The following RPGRIP1 variants were observed in gnomAD, a reference collection of about 807,000 sequenced individuals.
RPGRIP1 encodes the protein RPGR interacting protein 1.
In RPGRIP1, 128 loss-of-function variants were observed where a neutral mutation model predicts 157.9. The ratio of observed to expected loss-of-function variants is 0.81; its 90% CI spans 0.70 to 0.94. RPGRIP1 has a LOEUF of 0.94. Ranked by LOEUF, RPGRIP1 falls within the 40% of genes least tolerant of loss-of-function variation. The pLI is 0.00. For missense variants in RPGRIP1, 1,486 were observed against 1,545.8 expected, an observed-to-expected ratio of 0.96 and a Z score of 0.65; for synonymous variants, 554 against 571.6, an observed-to-expected ratio of 0.97 and a Z score of 0.44.
At position 21,324,834 on chromosome 14, in the gene RPGRIP1, A is replaced by G. The variant is rs759235827; in HGVS notation, c.1979A>G (p.Asp660Gly). ...ACTTTCTGCACCTATTCCTTCTATG[A>G]CTTTGAAACCCACTGTACCCCATTA... ...PTTFCTYSFYDFETHCTPLSV... is the reference protein window; with the variant it reads ...PTTFCTYSFYGFETHCTPLSV... Residue 660 changes from aspartate (D) to glycine (G), a missense_variant, in exon 15 of 25, where the codon GAC (aspartate) becomes GGC (glycine). Coordinates refer to ENST00000400017, the MANE Select transcript of RPGRIP1 (RefSeq NM_020366.4). 5 of 1,613,842 alleles carry G rather than the reference A, an allele frequency of 3.1e-6. No individual in the cohort carries two copies. In the South Asian group the frequency reaches 5.5e-5, roughly 18 times the overall value.
Position 21,320,036 on chromosome 14 carries a change from G to T in RPGRIP1, c.1326G>T (p.Lys442Asn), listed in dbSNP as rs375450848. The stretch of plus-strand genomic sequence containing the variant: ...CCCCAGCCCAAAATGAGGATCTGAA[G>T]CTTGAAGTCACCAACATACTTCAGA... ...SREKAQNEDL[K>N]LEVTNILQKH... is the part of the protein sequence containing the mutation. The change falls in exon 12 of 25, where the codon AAG becomes AAT. Residue 442 changes from lysine to asparagine, a missense_variant. Transcript: ENST00000400017. 73 of 1,612,244 alleles carry T rather than the reference G, an allele frequency of 4.5e-5. No individual in the cohort carries two copies. Among genetic ancestry groups the T allele is most frequent in the Non-Finnish European group, 6.2e-5 (73 of 1,179,194 alleles).
At position 21,330,293 on chromosome 14, in the gene RPGRIP1, CA is replaced by C; in HGVS notation, c.3145del (p.Ile1049Ter). The C allele has an allele frequency of 6.3e-7, 1 of 1,581,274 alleles. No individual in the cohort carries two copies. Among genetic ancestry groups the C allele is most frequent in the African/African-American group, 1.4e-5 (1 of 72,488 alleles). The part of the protein sequence containing the change: ...EWKFSETNSF[I>X]GDGFKNQHEE... ...GGAAGTTCTCAGAGACTAACAGCTT[CA>C]TAGGTGATGGCTTTAAAAATCAGCA... is the stretch of plus-strand genomic sequence containing the variant. On this transcript the variant is annotated frameshift_variant, in exon 20 of 25. Transcript: ENST00000400017. LOFTEE classifies it high-confidence loss of function.
chr14:21,300,981 G>C lies in RPGRIP1; in HGVS notation c.234G>C (p.Leu78Phe). 2.5e-6 allele frequency: 4 copies of C among 1,612,956 alleles called. No homozygotes were observed. Among genetic ancestry groups the C allele is most frequent in the Non-Finnish European group, 3.4e-6 (4 of 1,179,426 alleles). ...TTGTCCACAGGCTGAGGACCACCTT[G>C]CTGCGGTTGACCGCTGCTGGCCGGG... is the stretch of plus-strand genomic sequence containing the variant. Reference protein sequence around the residue: ...QDEIKRLRTTLLRLTAAGRDL... With the variant: ...QDEIKRLRTTFLRLTAAGRDL... Residue 78 changes from leucine to phenylalanine, a missense_variant, in exon 4 of 25, where the codon TTG becomes TTC. Coordinates refer to ENST00000400017, the MANE Select transcript of RPGRIP1 (RefSeq NM_020366.4).
At chr14:21,341,637 A>G (rs753879402) in intron 21 of RPGRIP1, among the ~76,000 whole-genome samples, 1 of 151,978 alleles carries the variant, frequency 6.6e-6, no homozygotes, top group Non-Finnish European at 1.5e-5. Flanking sequence ...GAAGGAGGAG[A>G]CTTCTGTTGG....
At chr14:21,333,743 G>A (rs974609516) in intron 20 of RPGRIP1, among the ~76,000 whole-genome samples, 3 of 151,990 alleles carry the variant, frequency 2.0e-5, no homozygotes, top group African/African-American at 7.3e-5. Flanking sequence ...GCATTTTTGT[G>A]TTCTGGCCTT....
intron 1 of RPGRIP1, among the ~76,000 whole-genome samples, chr14:21,287,408 TTA>T (rs1243492341): frequency 1.3e-5 from 2 of 152,210 alleles, no homozygotes; most frequent in Admixed American, 1.3e-4. Flanking sequence ...GCTCCCAAGT[TTA>T]CATAGTAGTT....
intron 16 of RPGRIP1, 139 bp downstream of exon 16, chr14:21,325,522 A>G (rs1882987867): frequency 1.1e-6 from 1 of 874,074 alleles, no homozygotes; most frequent in African/African-American, 1.7e-5. Context: ...ACTAGTCTGG[A>G]TTATTCCCTT....
At chr14:21,326,440 A>G (rs1883116629) in intron 17 of RPGRIP1, among the ~76,000 whole-genome samples, 1 of 152,188 alleles carries the variant, frequency 6.6e-6, no homozygotes, top group South Asian at 2.1e-4. Flanking sequence ...ATACCTCTGT[A>G]TCTGAATAAA....
At chr14:21,348,883 A>T (rs1418254486) in intron 24 of RPGRIP1, among the ~76,000 whole-genome samples, 1 of 150,502 alleles carries the variant, frequency 6.6e-6, no homozygotes, top group Non-Finnish European at 1.5e-5. Context: ...CTGGTCTCGA[A>T]CTCCTGACCT....
chr14:21,327,621 A>C lies in RPGRIP1; in HGVS notation c.2711-2A>C. ...TCTTATTAATATCTGTTTGTTTCTCAGGTGATTTTAACCTCACTGACCCTG... is the reference window on the plus strand; with the variant it reads ...TCTTATTAATATCTGTTTGTTTCTCCGGTGATTTTAACCTCACTGACCCTG... On this transcript the variant is annotated splice_acceptor_variant, in intron 17 of 24. Transcript: ENST00000400017. LOFTEE classifies it high-confidence loss of function. 1 of 1,613,460 alleles carries C rather than the reference A, an allele frequency of 6.2e-7. No homozygotes were observed. Among genetic ancestry groups the C allele is most frequent in the Non-Finnish European group, 8.5e-7 (1 of 1,179,430 alleles).
At chr14:21,308,110 C>T (rs1053953348) in intron 7 of RPGRIP1, among the ~76,000 whole-genome samples, 7 of 152,184 alleles carry the variant, frequency 4.6e-5, no homozygotes, top group Admixed American at 3.9e-4. Flanking sequence ...GTAAGGGTTA[C>T]GGTCCCCTAC....
intron 6 of RPGRIP1, among the ~76,000 whole-genome samples, chr14:21,304,398 AG>A (rs1335559443): frequency 1.9e-5 from 1 of 51,320 alleles, no homozygotes; most frequent in Non-Finnish European, 4.5e-5. Context: ...AGAGAAAGAA[AG>A]AAAGAAAGAA....
chr14:21,324,944 G>T lies in RPGRIP1; in HGVS notation c.2089G>T (p.Ala697Ser), dbSNP rs1882904580. The T allele has an allele frequency of 1.2e-6, 2 of 1,614,018 alleles. No homozygotes were observed. Among genetic ancestry groups the T allele is most frequent in the East Asian group, 4.5e-5 (2 of 44,892 alleles). ...DSLFLHYLQE[A>S]SARLDIHQAM... ...GCTTTTCTTACACTACCTTCAAGAG[G>T]CTTCAGCCCGGCTTGACATACACCA... The change falls in exon 15 of 25, where the codon GCT becomes TCT. Residue 697 changes from alanine (A) to serine (S), a missense_variant. By Grantham distance (99) the Ala-to-Ser change is moderately conservative (BLOSUM62 1). Coordinates refer to ENST00000400017, the MANE Select transcript of RPGRIP1 (RefSeq NM_020366.4).
rs887263891 is a variant in RPGRIP1 at position 21,327,741 on chromosome 14, G to A, written c.2829G>A (p.Lys943=). 1.9e-6 allele frequency: 3 copies of A among 1,613,790 alleles called. No individual in the cohort carries two copies. Among genetic ancestry groups the A allele is most frequent in the Admixed American group, 1.7e-5 (1 of 59,960 alleles). ...ESFLKPEAQT[K]GKDTKDSSKI... ...TCCTGAAACCAGAAGCTCAGACTAA[G>A]GGGAAGGATACCAAGGACAGTTCAA... Residue 943 remains lysine (K), a synonymous_variant, in exon 18 of 25, where the codon AAG becomes AAA. Coordinates refer to ENST00000400017, the MANE Select transcript of RPGRIP1 (RefSeq NM_020366.4).
At position 21,305,084 on chromosome 14, in the gene RPGRIP1, A is replaced by G. The variant is rs182229485; in HGVS notation, c.800+1541A>G. Among the ~76,000 whole-genome samples the G allele has an allele frequency of 1.2e-4, 18 of 152,270 alleles. No homozygotes were observed. In the East Asian group the frequency reaches 3.5e-3, roughly 29 times the overall value. ...CCCAAAGTGCTGGGATTACAGGCGT[A>G]AGCCACTGCGCCTGGCCGGTGTTGT... is the stretch of plus-strand genomic sequence containing the variant. On this transcript the variant is annotated intron_variant, in intron 6 of 24. Coordinates refer to ENST00000400017, the MANE Select transcript of RPGRIP1 (RefSeq NM_020366.4).
At position 21,348,156 on chromosome 14, in the gene RPGRIP1, T is replaced by C; in HGVS notation, c.3618-16T>C. 6.4e-7 allele frequency: 1 copy of C among 1,555,690 alleles called. No homozygotes were observed. Among genetic ancestry groups the C allele is most frequent in the Non-Finnish European group, 8.7e-7 (1 of 1,151,322 alleles). On this transcript the variant is annotated splice_polypyrimidine_tract_variant and intron_variant, in intron 23 of 24. Transcript: ENST00000400017. ...AGAGTATCAACAGTGCTGAATTAAATGCAATTTCTTTTTAGTTTAAAGTTT... is the reference window on the plus strand; with the variant it reads ...AGAGTATCAACAGTGCTGAATTAAACGCAATTTCTTTTTAGTTTAAAGTTT...
intron 7 of RPGRIP1, among the ~76,000 whole-genome samples, chr14:21,309,869 C>G (rs140456392): frequency 7.0e-4 from 107 of 151,832 alleles, no homozygotes; most frequent in African/African-American, 2.3e-3. Context: ...GTGGGTGGAT[C>G]GCTTGAGGTC....
At chr14:21,319,901 C>G in intron 11 of RPGRIP1, 116 bp from the exon 12 acceptor site, 1 of 1,044,336 alleles carries the variant, frequency 9.6e-7, no homozygotes, top group East Asian at 2.6e-5. Flanking sequence ...AATTGCTTCT[C>G]AAATTTATAA....
intron 7 of RPGRIP1, among the ~76,000 whole-genome samples, chr14:21,310,030 A>G (rs1881482217): frequency 3.1e-5 from 1 of 32,694 alleles, no homozygotes; most frequent in African/African-American, 1.3e-4. Context: ...GGTTGCAGTG[A>G]GCCAAGATTG....
Sources: gnomAD v4.1 joint callset for allele counts (sites outside exome capture counted in the v4.1 genomes callset) on GRCh38, gnomAD v4.1.1 for gene constraint, MANE v1.5 for transcripts, NCBI Gene and HGNC (gene_info 2026-07-23, HGNC 2026-07-21) for gene names.